Variants in TAOK1 observed in about 807,000 individuals in gnomAD.
TAOK1 encodes serine/threonine-protein kinase TAO1.
TAOK1 carries 21 observed loss-of-function variants against 138.3 expected under a neutral mutation model. That is an observed-to-expected ratio of 0.15 (90% CI 0.11 to 0.22). TAOK1 has a LOEUF of 0.22. Among genes scored for constraint, TAOK1 ranks in the 10% least tolerant of loss-of-function variants. TAOK1 has a pLI of 1.00. For missense variants in TAOK1, 651 were observed against 1,227.7 expected (o/e 0.53, Z 7.02); for synonymous variants, 361 against 398.4 (o/e 0.91, Z 1.12).
intron 3 of TAOK1, among the ~76,000 whole-genome samples, chr17:29,471,742 A>G (rs2030823667): frequency 6.6e-6 from 1 of 152,134 alleles, no homozygotes. Flanking sequence ...AAAATCTGAC[A>G]ACAGTGAAGT....
chr17:29,401,946 G>A (rs894960236), intron 1 of TAOK1, among the ~76,000 whole-genome samples: 29 of 152,158 alleles, frequency 1.9e-4, no homozygotes, highest in Non-Finnish European at 2.9e-5. Context: ...CACTGTGCCT[G>A]AACTAAAATT....
intron 1 of TAOK1, among the ~76,000 whole-genome samples, chr17:29,401,314 A>T (rs1473953308): frequency 6.6e-6 from 1 of 152,108 alleles, no homozygotes; most frequent in Non-Finnish European, 1.5e-5. Context: ...TAATGTGCTC[A>T]CGGTTCTGTG....
intron 1 of TAOK1, among the ~76,000 whole-genome samples, chr17:29,437,734 C>CTTTT (rs11447325): frequency 3.2e-5 from 4 of 124,194 alleles, no homozygotes; most frequent in African/African-American, 9.2e-5. Flanking sequence ...TTATATTCTT[C>CTTTT]TTTTTTTTTT....
At chr17:29,441,361 T>G (rs1441910044) in intron 1 of TAOK1, among the ~76,000 whole-genome samples, 2 of 152,146 alleles carry the variant, frequency 1.3e-5, no homozygotes, top group Non-Finnish European at 2.9e-5. Flanking sequence ...ATTGTAGAAG[T>G]CATGAGTGAA....
intron 17 of TAOK1, among the ~76,000 whole-genome samples, chr17:29,526,477 G>A (rs558519411): frequency 1.1e-4 from 16 of 151,948 alleles, no homozygotes; most frequent in Non-Finnish European, 1.9e-4. Context: ...GGGCAGTGGC[G>A]CAATCTCGGC....
intron 1 of TAOK1, among the ~76,000 whole-genome samples, chr17:29,436,799 T>C (rs964865196): frequency 6.6e-5 from 10 of 152,224 alleles, no homozygotes; most frequent in Non-Finnish European, 1.2e-4. Context: ...AAACACCATT[T>C]TGGCAATTCC....
rs761962930 is a variant in TAOK1, at chr17:29,468,135, AT to A, written c.204+936del. Among the ~76,000 whole-genome samples, 342 of 76,006 alleles carry A rather than the reference AT, an allele frequency of 4.5e-3. 22 individuals carry two copies. Among genetic ancestry groups the A allele is most frequent in the African/African-American group, 5.5e-3 (100 of 18,126 alleles). The allele number at this position is 76,006 out of a possible 152,430, so 49.9% of individuals were successfully genotyped here. ...AACCACTGTGCTTGGCCTGCTTTCA[AT>A]TTTTTTTTTTTTTTTTAGGAGCTGG... On this transcript the variant is annotated intron_variant, in intron 3 of 19. Coordinates refer to ENST00000261716, the MANE Select transcript of TAOK1 (RefSeq NM_020791.4).
chr17:29,417,978 C>A (rs988448735), intron 1 of TAOK1, among the ~76,000 whole-genome samples: 1 of 152,172 alleles, frequency 6.6e-6, no homozygotes, highest in Non-Finnish European at 1.5e-5. Context: ...GCCTCGACTT[C>A]CCAGGCTCCA....
At chr17:29,538,982 G>T (rs574207247) in intron 19 of TAOK1, among the ~76,000 whole-genome samples, 113 of 152,210 alleles carry the variant, frequency 7.4e-4, no homozygotes, top group African/African-American at 2.0e-3. Flanking sequence ...TTGGGGGTGG[G>T]TGCAGTGGCT....
intron 13 of TAOK1, among the ~76,000 whole-genome samples, chr17:29,506,913 A>C (rs932377397): frequency 6.6e-6 from 1 of 152,216 alleles, no homozygotes; most frequent in Admixed American, 6.5e-5. Flanking sequence ...AATTTTATTC[A>C]GCTATAAAAG....
rs1419184974 is a variant in TAOK1, at chr17:29,550,402, G to A, written c.*7380G>A. The A allele has an allele frequency of 1.3e-5, 2 of 152,084 alleles. No individual in the cohort carries two copies. The highest frequency in any genetic ancestry group is 1.5e-5 in the Non-Finnish European group (1 of 68,004). 9.4% of individuals were successfully genotyped at this position (152,084 alleles called of 1,614,324 possible). ...ATTCTATTTATGTAAGTCTGCTAAA[G>A]TTTTTTAGCCCACTTAAAACTTAAG... On this transcript the variant is annotated 3_prime_UTR_variant, in exon 20 of 20. Coordinates refer to ENST00000261716, the MANE Select transcript of TAOK1 (RefSeq NM_020791.4).
intron 2 of TAOK1, among the ~76,000 whole-genome samples, chr17:29,465,744 T>C (rs549385226): frequency 6.6e-6 from 1 of 152,062 alleles, no homozygotes; most frequent in East Asian, 1.9e-4. Context: ...ATTTCACAGC[T>C]ATTGCCTTGT....
intron 1 of TAOK1, among the ~76,000 whole-genome samples, chr17:29,400,904 CTTTTTTTTTTT>C (rs10539936): frequency 9.5e-6 from 1 of 105,276 alleles, no homozygotes; most frequent in Non-Finnish European, 1.8e-5. Context: ...TTGTTTGCCT[CTTTTTTTTTTT>C]TTTTTTTTTT....
chr17:29,521,833 C>T (rs533302771), intron 16 of TAOK1, among the ~76,000 whole-genome samples: 12 of 152,334 alleles, frequency 7.9e-5, no homozygotes, highest in African/African-American at 2.2e-4. Context: ...CCACCCGCCT[C>T]GGCCTCCCAA....
intron 16 of TAOK1, among the ~76,000 whole-genome samples, chr17:29,521,888 G>T (rs939863840): frequency 6.6e-6 from 1 of 152,098 alleles, no homozygotes; most frequent in African/African-American, 2.4e-5. Context: ...AGCTGTGTCC[G>T]TGTTCTTAAT....
At chr17:29,404,887 G>A (rs1904950893) in intron 1 of TAOK1, among the ~76,000 whole-genome samples, 1 of 152,138 alleles carries the variant, frequency 6.6e-6, no homozygotes, top group African/African-American at 2.4e-5. Context: ...TTAGATTCAA[G>A]TTAGGTGGAA....
intron 12 of TAOK1, among the ~76,000 whole-genome samples, chr17:29,499,284 G>T (rs1170734484): frequency 7.0e-6 from 1 of 143,792 alleles, no homozygotes; most frequent in Non-Finnish European, 1.5e-5. Context: ...AGGCTGGAGT[G>T]CAGTGGCCAC....
intron 1 of TAOK1, among the ~76,000 whole-genome samples, chr17:29,402,962 C>T (rs1349915035): frequency 6.9e-6 from 1 of 145,394 alleles, no homozygotes; most frequent in East Asian, 2.0e-4. Context: ...ATCACAAGGT[C>T]AAGAGATCAA....
Position 29,489,777 on chromosome 17 carries a change from A to G in TAOK1, c.749+20A>G, listed in dbSNP as rs375940113. ...TGAATGGTGAGTATTGTTAATATAT[A>G]TATTGCTCAGTGTTGAATAAATGAA... is the stretch of plus-strand genomic sequence containing the variant. On this transcript the variant is annotated intron_variant, in intron 9 of 19. Coordinates refer to ENST00000261716, the MANE Select transcript of TAOK1 (RefSeq NM_020791.4). The G allele has an allele frequency of 1.1e-5, 17 of 1,509,368 alleles. No individual in the cohort carries two copies. Among genetic ancestry groups the G allele is most frequent in the East Asian group, 2.3e-5 (1 of 43,044 alleles). 93.5% of individuals were successfully genotyped at this position (1,509,368 alleles called of 1,614,324 possible).
Sources: allele counts gnomAD v4.1 joint callset (sites outside exome capture counted in the v4.1 genomes callset), GRCh38; gene constraint gnomAD v4.1.1; transcripts MANE v1.5; gene names NCBI Gene and HGNC (gene_info 2026-07-23, HGNC 2026-07-21).